TLL2: variants seen among roughly 807,000 people sequenced by gnomAD.
TLL2 encodes the protein tolloid like 2.
In TLL2, 106 loss-of-function variants were observed where a neutral mutation model predicts 123.0. The observed-to-expected ratio is 0.86, with a 90% CI of 0.74 to 1.01. The LOEUF is 1.01. Ranked by LOEUF, TLL2 falls within the 50% of genes least tolerant of loss-of-function variation. The probability of loss-of-function intolerance (pLI) is 0.00; values close to 1 mark genes in which losing one functional copy is unlikely to be tolerated. For missense variants in TLL2, 1,332 were observed against 1,336.7 expected (o/e 1.00, Z 0.06); for synonymous variants, 494 against 516.8 (o/e 0.96, Z 0.60).
intron 17 of TLL2, among the ~76,000 whole-genome samples, chr10:96,377,535 A>G (rs1204583944): frequency 6.6e-6 from 1 of 152,148 alleles, no homozygotes; most frequent in African/African-American, 2.4e-5. Context: ...CCCAAATAAG[A>G]AAATAGGTTT....
At chr10:96,469,637 G>T (rs1364698576) in intron 2 of TLL2, among the ~76,000 whole-genome samples, 2 of 151,962 alleles carry the variant, frequency 1.3e-5, no homozygotes, top group Non-Finnish European at 2.9e-5. Flanking sequence ...CCCAGTGGGG[G>T]CTTTGATCCC....
At chr10:96,490,669 T>C (rs991557327) in intron 1 of TLL2, among the ~76,000 whole-genome samples, 3 of 152,234 alleles carry the variant, frequency 2.0e-5, no homozygotes, top group Admixed American at 6.5e-5. Flanking sequence ...AAATGAGTTA[T>C]GTCTATGGAT....
intron 2 of TLL2, among the ~76,000 whole-genome samples, chr10:96,451,471 A>G (rs1307231927): frequency 6.6e-6 from 1 of 152,200 alleles, no homozygotes; most frequent in Non-Finnish European, 1.5e-5. Context: ...ATAGATTAAT[A>G]TTGCCCATCT....
At chr10:96,368,891 G>T (rs568260205) in intron 20 of TLL2, among the ~76,000 whole-genome samples, 1 of 152,336 alleles carries the variant, frequency 6.6e-6, no homozygotes, top group East Asian at 1.9e-4. Context: ...CCTCCAAGGG[G>T]TTCCTTTCCA....
At chr10:96,477,936 C>T (rs1259141090) in intron 2 of TLL2, among the ~76,000 whole-genome samples, 1 of 152,208 alleles carries the variant, frequency 6.6e-6, no homozygotes, top group Non-Finnish European at 1.5e-5. Context: ...CTGGCCCAGA[C>T]TCTGGGGGAT....
chr10:96,489,453 C>T (rs886360384), intron 1 of TLL2, among the ~76,000 whole-genome samples: 10 of 151,988 alleles, frequency 6.6e-5, no homozygotes, highest in Admixed American at 4.6e-4. Context: ...CACTTGAATC[C>T]GGGAGGTTGA....
chr10:96,432,964 T>C lies in TLL2; in HGVS notation c.365-2A>G. ...GGAGTGTGGTATTCTCCCGGCCATC[T>C]GCAACACAGTCAGGTTAATATTGAT... On this transcript the variant is annotated splice_acceptor_variant, in intron 3 of 20. Coordinates refer to ENST00000357947, the MANE Select transcript of TLL2 (RefSeq NM_012465.4). LOFTEE classifies it high-confidence loss of function. 6.2e-7 allele frequency: 1 copy of C among 1,612,628 alleles called. No individual in the cohort carries two copies. Among genetic ancestry groups the C allele is most frequent in the South Asian group, 1.1e-5 (1 of 90,876 alleles).
At chr10:96,465,507 G>T (rs1221680104) in intron 2 of TLL2, among the ~76,000 whole-genome samples, 1 of 152,196 alleles carries the variant, frequency 6.6e-6, no homozygotes, top group East Asian at 1.9e-4. Flanking sequence ...ATTACAACAG[G>T]TGATAGAGAC....
rs1219144389 is a variant in TLL2 at position 96,378,994 on chromosome 10, G to A, written c.2293C>T (p.His765Tyr). 1 of 1,614,212 alleles carries A rather than the reference G, an allele frequency of 6.2e-7. No homozygotes were observed. Among genetic ancestry groups the A allele is most frequent in the Non-Finnish European group, 8.5e-7 (1 of 1,180,026 alleles). The change falls in exon 17 of 21, where the codon CAC (histidine) becomes TAC (tyrosine). Residue 765 changes from histidine to tyrosine, a missense_variant. His to Tyr is a moderately conservative substitution (Grantham distance 83). Coordinates refer to ENST00000357947, the MANE Select transcript of TLL2 (RefSeq NM_012465.4). ...LCRCRNGYWLHENGHDCKEAG... is the reference protein window; with the variant it reads ...LCRCRNGYWLYENGHDCKEAG... The stretch of plus-strand genomic sequence containing the variant: ...TCTTTGCAGTCATGCCCATTCTCGT[G>A]GAGCCAGTAGCCGTTTCTGCACCTG...
At chr10:96,480,252 G>T in intron 2 of TLL2, 97 bp downstream of exon 2, 4 of 989,362 alleles carry the variant, frequency 4.0e-6, no homozygotes, top group South Asian at 1.5e-5. Flanking sequence ...CATTAGACTA[G>T]CAAGTCAAAC....
chr10:96,409,141 C>G (rs751713831), intron 9 of TLL2, among the ~76,000 whole-genome samples: 6 of 152,240 alleles, frequency 3.9e-5, no homozygotes, highest in South Asian at 2.1e-4. Context: ...TCACACCCCA[C>G]TGCCACCCCT....
rs1285981803 is a variant in TLL2, at chr10:96,411,778, A to G, written c.1049-1304T>C. On this transcript the variant is annotated intron_variant, in intron 8 of 20. Coordinates refer to ENST00000357947, the MANE Select transcript of TLL2 (RefSeq NM_012465.4). ...GAGCTTTCAGTTACTGCTCGGAACT[A>G]CTGGAAGCTCCACATTTTTTGGAGC... Among the ~76,000 whole-genome samples, 4 of 152,294 alleles carry G rather than the reference A, an allele frequency of 2.6e-5. No homozygotes were observed. In the East Asian group the frequency reaches 7.7e-4, roughly 29 times the overall value.
At chr10:96,448,925 T>C (rs560698030) in intron 2 of TLL2, among the ~76,000 whole-genome samples, 1 of 152,204 alleles carries the variant, frequency 6.6e-6, no homozygotes, top group Non-Finnish European at 1.5e-5. Flanking sequence ...CTAGATGGGA[T>C]CCAGAGGACA....
chr10:96,373,499 A>G (rs536962580), intron 19 of TLL2, 97 bp downstream of exon 19: 6 of 1,185,514 alleles, frequency 5.1e-6, no homozygotes, highest in Non-Finnish European at 6.2e-6. Flanking sequence ...GCCCTCCCCC[A>G]GTCAGAATAA....
chr10:96,413,924 A>G (rs1223555228), intron 7 of TLL2, among the ~76,000 whole-genome samples: 1 of 152,040 alleles, frequency 6.6e-6, no homozygotes, highest in East Asian at 1.9e-4. Context: ...CTTGGACAAG[A>G]CCCTTCCCCT....
chr10:96,370,425 GC>G, intron 19 of TLL2, 110 bp from the exon 20 acceptor site: 1 of 1,399,762 alleles, frequency 7.1e-7, no homozygotes, highest in Non-Finnish European at 9.4e-7. Flanking sequence ...GGCAGGAGAG[GC>G]CAGGTAGTCT....
intron 3 of TLL2, among the ~76,000 whole-genome samples, chr10:96,442,476 C>T (rs949018200): frequency 9.2e-5 from 14 of 152,224 alleles, no homozygotes; most frequent in African/African-American, 3.1e-4. Flanking sequence ...CTGGTTAGAA[C>T]GGCCTGCCCT....
At chr10:96,374,992 A>G in intron 18 of TLL2, among the ~76,000 whole-genome samples, 11 of 130,380 alleles carry the variant, frequency 8.4e-5, no homozygotes, top group Non-Finnish European at 1.1e-4. Flanking sequence ...AATTCAAAAG[A>G]GCGGGGCTGG....
intron 11 of TLL2, among the ~76,000 whole-genome samples, chr10:96,396,579 T>G (rs972316358): frequency 5.5e-5 from 8 of 146,234 alleles, no homozygotes; most frequent in African/African-American, 2.1e-4. Context: ...GTTTTCCCCT[T>G]TCTTTTTTTT....
Sources: allele counts gnomAD v4.1 joint callset (sites outside exome capture counted in the v4.1 genomes callset), GRCh38; gene constraint gnomAD v4.1.1; transcripts MANE v1.5; gene names NCBI Gene and HGNC (gene_info 2026-07-23, HGNC 2026-07-21).